Variants in CLSTN2 observed in about 807,000 individuals in gnomAD.
CLSTN2 encodes the protein calsyntenin-2.
CLSTN2 carries 48 observed loss-of-function variants against 101.2 expected under a neutral mutation model. That is an observed-to-expected ratio of 0.47 (90% CI 0.38 to 0.60). CLSTN2 has a LOEUF of 0.60. Ranked by LOEUF, CLSTN2 falls within the 20% of genes least tolerant of loss-of-function variation. CLSTN2 has a pLI of 0.00. For synonymous variants in CLSTN2, 481 were observed against 463.6 expected, an observed-to-expected ratio of 1.04 and a Z score of -0.48; for missense variants, 1,160 against 1,238.2, an observed-to-expected ratio of 0.94 and a Z score of 0.95.
intron 1 of CLSTN2, among the ~76,000 whole-genome samples, chr3:139,972,598 T>G (rs1935731229): frequency 6.6e-6 from 1 of 152,158 alleles, no homozygotes; most frequent in African/African-American, 2.4e-5. Flanking sequence ...CAATGGCTTA[T>G]AAGGATTCCA....
intron 1 of CLSTN2, among the ~76,000 whole-genome samples, chr3:140,003,725 T>C (rs946646210): frequency 3.3e-5 from 5 of 152,228 alleles, no homozygotes; most frequent in Admixed American, 6.5e-5. Flanking sequence ...TTTTTGAGAA[T>C]TTTTTGATGA....
chr3:140,199,607 G>A (rs1259880563), intron 2 of CLSTN2, among the ~76,000 whole-genome samples: 4 of 152,176 alleles, frequency 2.6e-5, no homozygotes, highest in Non-Finnish European at 4.4e-5. Flanking sequence ...TGTCATCAAG[G>A]ATGGTTGGGA....
chr3:139,975,951 G>A (rs1333012652), intron 1 of CLSTN2, among the ~76,000 whole-genome samples: 2 of 152,182 alleles, frequency 1.3e-5, no homozygotes, highest in Admixed American at 1.3e-4. Context: ...TATGAGGCAG[G>A]TACTAGTACA....
intron 8 of CLSTN2, among the ~76,000 whole-genome samples, chr3:140,467,355 A>G (rs570889336): frequency 1.3e-5 from 2 of 152,330 alleles, no homozygotes; most frequent in African/African-American, 4.8e-5. Context: ...CGGTGGAAGT[A>G]GTACTCACTT....
chr3:140,151,582 G>A (rs371804531), intron 1 of CLSTN2, among the ~76,000 whole-genome samples: 149 of 152,220 alleles, frequency 9.8e-4, no homozygotes, highest in African/African-American at 3.3e-3. Flanking sequence ...TAAAGAGGCC[G>A]TGCTTCCTGC....
chr3:140,355,624 C>T (rs2087662266), intron 2 of CLSTN2, among the ~76,000 whole-genome samples: 1 of 152,184 alleles, frequency 6.6e-6, no homozygotes, highest in South Asian at 2.1e-4. Context: ...GAAAGTTGTG[C>T]TGTGCAGCAT....
chr3:140,030,453 G>A (rs2007523476), intron 1 of CLSTN2, among the ~76,000 whole-genome samples: 1 of 152,132 alleles, frequency 6.6e-6, no homozygotes, highest in African/African-American at 2.4e-5. Flanking sequence ...GGGTAGGGGT[G>A]GGGGTGGTTC....
chr3:140,280,712 A>G (rs982692080), intron 2 of CLSTN2, among the ~76,000 whole-genome samples: 6 of 152,116 alleles, frequency 3.9e-5, no homozygotes, highest in African/African-American at 1.4e-4. Flanking sequence ...GGCTTTATGT[A>G]CACTTCACTT....
intron 1 of CLSTN2, among the ~76,000 whole-genome samples, chr3:139,981,539 T>C (rs1935922489): frequency 6.6e-6 from 1 of 152,234 alleles, no homozygotes; most frequent in Non-Finnish European, 1.5e-5. Context: ...TAATTAAATG[T>C]CAATGACTAT....
intron 1 of CLSTN2, among the ~76,000 whole-genome samples, chr3:140,079,187 A>G (rs549615128): frequency 3.9e-5 from 6 of 152,290 alleles, no homozygotes; most frequent in African/African-American, 1.4e-4. Context: ...AACCACAGGT[A>G]TGGTTTGCTG....
At chr3:140,109,471 G>C (rs538136376) in intron 1 of CLSTN2, among the ~76,000 whole-genome samples, 1 of 152,250 alleles carries the variant, frequency 6.6e-6, no homozygotes, top group African/African-American at 2.4e-5. Flanking sequence ...CCCAGGCTTG[G>C]GTAAAAGTAG....
chr3:140,097,392 T>C (rs2008886035), intron 1 of CLSTN2, among the ~76,000 whole-genome samples: 1 of 152,168 alleles, frequency 6.6e-6, no homozygotes, highest in Non-Finnish European at 1.5e-5. Flanking sequence ...CAGCACCCCC[T>C]GCTTTACTTT....
intron 1 of CLSTN2, among the ~76,000 whole-genome samples, chr3:139,955,140 G>A (rs867933657): frequency 1.9e-3 from 30 of 15,494 alleles, no homozygotes; most frequent in South Asian, 3.8e-3. Context: ...ATATATATAT[G>A]GCAATTCCAG....
chr3:140,432,920 C>T (rs1343596839), intron 5 of CLSTN2, among the ~76,000 whole-genome samples: 1 of 152,188 alleles, frequency 6.6e-6, no homozygotes, highest in East Asian at 1.9e-4. Flanking sequence ...TCATTGCATG[C>T]ACGTGGTCAT....
intron 8 of CLSTN2, among the ~76,000 whole-genome samples, chr3:140,520,835 C>CT (rs1198220767): frequency 1.3e-5 from 2 of 152,154 alleles, no homozygotes; most frequent in Admixed American, 6.5e-5. Context: ...TAATTCCATA[C>CT]TTTTTGGAGA....
chr3:140,069,361 G>C (rs1008725643), intron 1 of CLSTN2, among the ~76,000 whole-genome samples: 1 of 152,192 alleles, frequency 6.6e-6, no homozygotes, highest in Non-Finnish European at 1.5e-5. Flanking sequence ...CAAGACACCA[G>C]ATCAATGGTA....
rs143361859 is a variant in CLSTN2, at chr3:140,041,211, G to T, written c.109+105728G>T. Among the ~76,000 whole-genome samples, 524 of 152,320 alleles carry T rather than the reference G, an allele frequency of 3.4e-3. 3 individuals are homozygous for T. Among genetic ancestry groups the T allele is most frequent in the African/African-American group, 0.011 (467 of 41,568 alleles). On this transcript the variant is annotated intron_variant, in intron 1 of 16. Coordinates refer to ENST00000458420, the MANE Select transcript of CLSTN2 (RefSeq NM_022131.3). ...ACTTTAATTAACTGACTCGAAGTAAGTTTATTTAGAGTTGCTTCTCAAGGC... is the reference window on the plus strand; with the variant it reads ...ACTTTAATTAACTGACTCGAAGTAATTTTATTTAGAGTTGCTTCTCAAGGC...
chr3:140,503,294 T>C (rs1472089601), intron 8 of CLSTN2, among the ~76,000 whole-genome samples: 4 of 152,222 alleles, frequency 2.6e-5, no homozygotes, highest in Non-Finnish European at 5.9e-5. Context: ...AGACTGCATA[T>C]AGGAAGGTAG....
In CLSTN2 at chr3:140,362,932, A is replaced by G. The variant is rs114995581; in HGVS notation, c.233-40697A>G. On this transcript the variant is annotated intron_variant, in intron 2 of 16. Transcript: ENST00000458420. Reference sequence around the variant, plus strand: ...AGGAAAACAGTTTGGCAGTTTCCTAAAACGTTAAATATAAACTTATCATAT... The same window carrying G: ...AGGAAAACAGTTTGGCAGTTTCCTAGAACGTTAAATATAAACTTATCATAT... Among the ~76,000 whole-genome samples, 859 of 152,310 alleles carry G rather than the reference A, an allele frequency of 5.6e-3. 5 individuals carry two copies. The highest frequency in any genetic ancestry group is 0.011 in the South Asian group (51 of 4,826).
Sources: gnomAD v4.1 joint callset for allele counts (sites outside exome capture counted in the v4.1 genomes callset) on GRCh38, gnomAD v4.1.1 for gene constraint, MANE v1.5 for transcripts, NCBI Gene and HGNC (gene_info 2026-07-23, HGNC 2026-07-21) for gene names.